Variants in TJP1 observed in about 807,000 individuals in gnomAD.
TJP1 encodes tight junction protein 1, also known as tight junction protein ZO-1.
Under a neutral mutation model 194.2 loss-of-function variants are expected in TJP1, and 43 were observed. The observed-to-expected ratio is 0.22, with a 90% CI of 0.17 to 0.29. The LOEUF (loss-of-function observed/expected upper bound fraction) is 0.29, where lower values mean the gene tolerates loss of function less well. TJP1 is among the 10% of genes least tolerant of loss of function. TJP1 has a pLI of 1.00. For synonymous variants in TJP1, 801 were observed against 779.0 expected (o/e 1.03, Z -0.47); for missense variants, 1,971 against 2,185.7 (o/e 0.90, Z 1.96).
At chr15:29,949,201 C>T (rs200883159) in intron 2 of TJP1, among the ~76,000 whole-genome samples, 285 of 119,620 alleles carry the variant, frequency 2.4e-3, no homozygotes, top group African/African-American at 0.011. Context: ...CCACCAGCAC[C>T]TCCACCACCA....
At chr15:29,914,816 C>T (rs534106669) in intron 2 of TJP1, among the ~76,000 whole-genome samples, 3 of 152,052 alleles carry the variant, frequency 2.0e-5, no homozygotes, top group South Asian at 2.1e-4. Context: ...AACTACGGCA[C>T]GCTTGGGCCA....
At chr15:29,802,804 C>T (rs2048874005) in intron 1 of TJP1, among the ~76,000 whole-genome samples, 1 of 152,130 alleles carries the variant, frequency 6.6e-6, no homozygotes, top group Admixed American at 6.5e-5. Flanking sequence ...TTTCATTAAC[C>T]AGTGACATTG....
intron 2 of TJP1, among the ~76,000 whole-genome samples, chr15:29,871,677 G>C (rs1389683213): frequency 2.0e-5 from 3 of 152,210 alleles, no homozygotes; most frequent in Non-Finnish European, 4.4e-5. Context: ...TGGGCATACA[G>C]CCCCACTGGG....
intron 2 of TJP1, among the ~76,000 whole-genome samples, chr15:29,832,586 T>G (rs931019726): frequency 9.9e-5 from 15 of 152,196 alleles, no homozygotes; most frequent in Admixed American, 8.5e-4. Context: ...TGCCATGTAC[T>G]CAATAAGGAT....
At chr15:29,876,520 CA>C (rs11396162) in intron 2 of TJP1, among the ~76,000 whole-genome samples, 436 of 136,430 alleles carry the variant, frequency 3.2e-3, no homozygotes, top group Admixed American at 4.1e-3. Context: ...GACTCTGTCT[CA>C]AAAAAAAAAA....
At chr15:29,704,610 T>C (rs2041775064) in intron 26 of TJP1, among the ~76,000 whole-genome samples, 1 of 152,254 alleles carries the variant, frequency 6.6e-6, no homozygotes, top group African/African-American at 2.4e-5. Context: ...CTTTGGAACT[T>C]GGTGTGTATT....
At chr15:29,894,776 G>A (rs1295640890) in intron 2 of TJP1, among the ~76,000 whole-genome samples, 1 of 152,198 alleles carries the variant, frequency 6.6e-6, no homozygotes, top group Admixed American at 6.5e-5. Context: ...GAATCTAGGT[G>A]GGTGTATCAA....
At position 29,960,623 on chromosome 15, in the gene TJP1, G is replaced by C. The variant is rs1169142234; in HGVS notation, c.174-4259C>G. Among the ~76,000 whole-genome samples, 21 of 141,444 alleles carry C rather than the reference G, an allele frequency of 1.5e-4. No individual in the cohort carries two copies. The Admixed American group carries it at 1.5e-3, about 10-fold the overall frequency. 92.8% of individuals were successfully genotyped at this position (141,444 alleles called of 152,430 possible). A position where few individuals can be genotyped will look rare whatever the true frequency, so the allele number is the denominator to read the frequency against. On this transcript the variant is annotated intron_variant, in intron 1 of 28. Transcript: ENST00000356107. Reference sequence around the variant, plus strand: ...TGCACTCCAGTCTGGGCAATGGAGTGAGACCATGTCTCAAAAAAAAAAAAA... The same window carrying C: ...TGCACTCCAGTCTGGGCAATGGAGTCAGACCATGTCTCAAAAAAAAAAAAA...
intron 1 of TJP1, among the ~76,000 whole-genome samples, chr15:29,958,412 T>G (rs1200489069): frequency 6.6e-6 from 1 of 152,104 alleles, no homozygotes. Context: ...CCATTCAAAT[T>G]TATTGTTTTT....
intron 2 of TJP1, among the ~76,000 whole-genome samples, chr15:29,945,358 T>TA (rs1360381403): frequency 7.2e-5 from 11 of 152,370 alleles, no homozygotes; most frequent in African/African-American, 2.6e-4. Context: ...TTTTCACTAA[T>TA]TTCCAAAGAG....
At chr15:29,950,173 T>TACCTCCACCTCCACCACCACC (rs2055675321) in intron 2 of TJP1, among the ~76,000 whole-genome samples, 1 of 16,746 alleles carries the variant, frequency 6.0e-5, no homozygotes, top group Non-Finnish European at 1.4e-4. Context: ...CCACAACCAC[T>TACCTCCACCTCCACCACCACC]ACCTCCACCT....
At chr15:29,782,312 A>G (rs1483773174) in intron 2 of TJP1, among the ~76,000 whole-genome samples, 1 of 152,230 alleles carries the variant, frequency 6.6e-6, no homozygotes, top group Non-Finnish European at 1.5e-5. Context: ...ACAGGGCTAC[A>G]GTAACCAAAC....
chr15:29,956,526 C>G (rs2055948810), intron 1 of TJP1, among the ~76,000 whole-genome samples: 1 of 152,192 alleles, frequency 6.6e-6, no homozygotes, highest in Non-Finnish European at 1.5e-5. Flanking sequence ...ATCAGATACC[C>G]TTTCTAACTA....
chr15:29,843,052 TA>T (rs1285732874), intron 2 of TJP1, among the ~76,000 whole-genome samples: 18 of 152,164 alleles, frequency 1.2e-4, no homozygotes, highest in Non-Finnish European at 2.2e-4. Context: ...ATAAAACCAC[TA>T]AAAAATATGA....
At chr15:29,749,609 C>T (rs963341244) in intron 8 of TJP1, among the ~76,000 whole-genome samples, 9 of 152,162 alleles carry the variant, frequency 5.9e-5, no homozygotes, top group East Asian at 1.9e-4. Flanking sequence ...CTCTCTCAAA[C>T]GGTTCTGTTG....
At chr15:29,781,442 G>C (rs1013874504) in intron 2 of TJP1, among the ~76,000 whole-genome samples, 9 of 152,058 alleles carry the variant, frequency 5.9e-5, no homozygotes, top group Non-Finnish European at 1.2e-4. Context: ...AACTGAAGAG[G>C]AGGAACAATA....
intron 2 of TJP1, among the ~76,000 whole-genome samples, chr15:29,832,500 A>G (rs1407072440): frequency 6.6e-6 from 1 of 152,240 alleles, no homozygotes; most frequent in African/African-American, 2.4e-5. Flanking sequence ...ACTGACTGAT[A>G]CATAAGGATA....
chr15:29,725,449 G>A (rs561369402), intron 18 of TJP1, among the ~76,000 whole-genome samples: 31 of 152,112 alleles, frequency 2.0e-4, no homozygotes, highest in Admixed American at 9.8e-4. Context: ...GGGACCATGC[G>A]GGGGCAAAAC....
rs778707009 is a variant in TJP1 at position 29,737,431 on chromosome 15, T to C, written c.1257-17A>G. On this transcript the variant is annotated splice_polypyrimidine_tract_variant and intron_variant, in intron 10 of 27. Coordinates refer to ENST00000614355, the MANE Select transcript of TJP1 (RefSeq NM_001330239.4). ...ATGCTGGGCCTGTTAAAACAGATAT[T>C]TCATTTGAAACAGTTAAGAAGAGCT... 1.2e-6 allele frequency: 2 copies of C among 1,614,098 alleles called. No homozygotes were observed. Among genetic ancestry groups the C allele is most frequent in the Non-Finnish European group, 8.5e-7 (1 of 1,179,976 alleles).
Sources: allele counts gnomAD v4.1 joint callset (sites outside exome capture counted in the v4.1 genomes callset), GRCh38; gene constraint gnomAD v4.1.1; transcripts MANE v1.5; gene names NCBI Gene and HGNC (gene_info 2026-07-23, HGNC 2026-07-21).